GABPB2: variants seen among roughly 807,000 people sequenced by gnomAD.
The protein encoded by GABPB2 is GA-binding protein subunit beta-2.
In GABPB2, 23 loss-of-function variants were observed where a neutral mutation model predicts 39.1. The observed-to-expected ratio is 0.59, with a 90% CI of 0.42 to 0.83. The LOEUF is 0.83. Among genes scored for constraint, GABPB2 ranks in the 40% least tolerant of loss-of-function variants. GABPB2 has a pLI of 0.00. For missense variants in GABPB2, 467 were observed against 541.1 expected, an observed-to-expected ratio of 0.86 and a Z score of 1.36; for synonymous variants, 184 against 199.3, an observed-to-expected ratio of 0.92 and a Z score of 0.65.
chr1:151,099,129 C>G (rs935062204), intron 5 of GABPB2, among the ~76,000 whole-genome samples: 4 of 150,448 alleles, frequency 2.7e-5, no homozygotes. Context: ...ATGTTTTCAA[C>G]AAAACCTTCT....
intron 6 of GABPB2, among the ~76,000 whole-genome samples, chr1:151,104,517 C>T (rs1679780093): frequency 6.6e-6 from 1 of 152,170 alleles, no homozygotes; most frequent in Non-Finnish European, 1.5e-5. Flanking sequence ...GTGTATTAAA[C>T]TTGTCCTTGC....
Position 151,071,469 on chromosome 1 carries a change from T to TTTTTTC in GABPB2, c.-1+535_-1+536insTTTTTC, listed in dbSNP as rs1553259144. Among the ~76,000 whole-genome samples, 249 of 147,106 alleles carry TTTTTTC rather than the reference T, an allele frequency of 1.7e-3. 9 individuals are homozygous for TTTTTTC. Among genetic ancestry groups the TTTTTTC allele is most frequent in the Middle Eastern group, 0.014 (4 of 282 alleles). On this transcript the variant is annotated intron_variant, in intron 1 of 8. Coordinates refer to ENST00000368918, the MANE Select transcript of GABPB2 (RefSeq NM_144618.3). ...TTTTTTGCTCTTTTTTTTTTTTTTT[T>TTTTTTC]CAAAACTGAGTCTTGCTCTGTCACC...
At chr1:151,096,517 A>G (rs145109704) in intron 4 of GABPB2, among the ~76,000 whole-genome samples, 2 of 152,190 alleles carry the variant, frequency 1.3e-5, no homozygotes, top group East Asian at 3.9e-4. Flanking sequence ...TGGTCTATAT[A>G]CTGGTTAGTC....
intron 1 of GABPB2, among the ~76,000 whole-genome samples, chr1:151,077,611 A>C (rs115968379): frequency 0.091 from 13,675 of 151,064 alleles, 785 homozygotes; most frequent in African/African-American, 0.16. Context: ...GCGCCCGGCC[A>C]CTCATAGGTA....
At chr1:151,112,630 C>T (rs999690190) in intron 7 of GABPB2, 6 of 165,924 alleles carry the variant, frequency 3.6e-5, no homozygotes, top group East Asian at 1.5e-4. Flanking sequence ...TGTGAGCCAC[C>T]GCACCTGGCC....
chr1:151,118,540 AT>A lies in GABPB2; in HGVS notation c.*296del, dbSNP rs757004156. ...AAAGAATACTGCATGTTGTGGGTTG[AT>A]TTTTTTTTTTTAAATAACTGACTTT... On this transcript the variant is annotated 3_prime_UTR_variant, in exon 9 of 9. Coordinates refer to ENST00000368918, the MANE Select transcript of GABPB2 (RefSeq NM_144618.3). 0.043 allele frequency: 10,698 copies of A among 248,742 alleles called. 3 individuals are homozygous for A. The highest frequency in any genetic ancestry group is 0.069 in the Middle Eastern group (55 of 792). 15.4% of individuals were successfully genotyped at this position (248,742 alleles called of 1,614,324 possible).
chr1:151,081,437 C>T (rs1445982508), intron 1 of GABPB2, among the ~76,000 whole-genome samples: 7 of 151,922 alleles, frequency 4.6e-5, no homozygotes, highest in South Asian at 2.1e-4. Context: ...TGCAGTGAAC[C>T]GAGATTGTGT....
In GABPB2 at chr1:151,117,400, G is replaced by C. The variant is rs1446051475; in HGVS notation, c.931G>C (p.Val311Leu). Residue 311 changes from valine to leucine, a missense_variant, in exon 8 of 9, where the codon GTA (valine) becomes CTA (leucine). By Grantham distance (32) the Val-to-Leu change is conservative. Transcript: ENST00000368918. The part of the protein sequence containing the change: ...TVQDGQQVLT[V>L]PAGKVAEETV... The stretch of plus-strand genomic sequence containing the variant: ...TGTCCTTTGACTTGTAGTTCTAACT[G>C]TACCTGCTGGTAAGGTTGCAGAGGA... The C allele has an allele frequency of 1.6e-5, 26 of 1,613,608 alleles. 1 individual carries two copies.
chr1:151,106,364 G>A (rs1679966433), intron 6 of GABPB2, among the ~76,000 whole-genome samples: 2 of 151,244 alleles, frequency 1.3e-5, no homozygotes, highest in South Asian at 4.2e-4. Context: ...TTGAGACAGA[G>A]TCTCGCTCTG....
chr1:151,104,813 T>TCTTTCTTTCTTTCTTTCTTC (rs760165783), intron 6 of GABPB2, among the ~76,000 whole-genome samples: 1 of 41,254 alleles, frequency 2.4e-5, no homozygotes, highest in African/African-American at 5.2e-5. Context: ...TTTCTTTCTT[T>TCTTTCTTTCTTTCTTTCTTC]CCTTTCTTTC....
Position 151,107,242 on chromosome 1 carries a change from C to A in GABPB2, c.922+20C>A. On this transcript the variant is annotated intron_variant, in intron 7 of 8. Transcript: ENST00000368918. Reference sequence around the variant, plus strand: ...AGCAAGGTGAGTTATCTCTTGTAGACAATTGTTTATTAAAAGATATTTTAG... The same window carrying A: ...AGCAAGGTGAGTTATCTCTTGTAGAAAATTGTTTATTAAAAGATATTTTAG... 1 of 1,469,172 alleles carries A rather than the reference C, an allele frequency of 6.8e-7. No individual in the cohort carries two copies. The highest frequency in any genetic ancestry group is 1.8e-4 in the Middle Eastern group (1 of 5,472). 91.0% of individuals were successfully genotyped at this position (1,469,172 alleles called of 1,614,324 possible).
At chr1:151,083,565 A>G (rs10888403) in intron 1 of GABPB2, among the ~76,000 whole-genome samples, 141,002 of 151,928 alleles carry the variant, frequency 0.93, 65,478 homozygotes, top group East Asian at 0.97. Flanking sequence ...CCCAGGCAGC[A>G]GAGGTTGGCA....
rs587743992 is a variant in GABPB2 at position 151,107,107 on chromosome 1, C to G, written c.807C>G (p.Gly269=). The change falls in exon 7 of 9, where the codon GGC becomes GGG. Residue 269 remains glycine (G), a synonymous_variant. Transcript: ENST00000368918. The part of the protein sequence containing the change: ...SSIQQVMGSG[G]QRVITIVTDG... ...TCCAGCAAGTAATGGGGAGTGGAGG[C>G]CAGAGGGTCATCACCATAGTGACTG... 1.1e-5 allele frequency: 18 copies of G among 1,613,108 alleles called. No individual in the cohort carries two copies. The South Asian group carries it at 2.0e-4, about 18-fold the overall frequency.
intron 1 of GABPB2, among the ~76,000 whole-genome samples, chr1:151,084,771 T>G (rs1678032973): frequency 6.6e-6 from 1 of 150,774 alleles, no homozygotes; most frequent in African/African-American, 2.4e-5. Context: ...CCTGACCTTG[T>G]GATCCGCCCG....
At chr1:151,109,932 G>A (rs758475306) in intron 7 of GABPB2, among the ~76,000 whole-genome samples, 6 of 149,670 alleles carry the variant, frequency 4.0e-5, no homozygotes, top group Admixed American at 6.7e-5. Flanking sequence ...TCCGCCTTCC[G>A]GGTTCAAGTG....
rs587670640 is a variant in GABPB2, at chr1:151,098,549, G to A, written c.622+547G>A. ...TATTGTACAGATTAATCTATTGAAG[G>A]GTTATGCCTAGACCAAAAATGAAAA... On this transcript the variant is annotated intron_variant, in intron 5 of 8. Coordinates refer to ENST00000368918, the MANE Select transcript of GABPB2 (RefSeq NM_144618.3). Among the ~76,000 whole-genome samples the A allele has an allele frequency of 3.4e-4, 52 of 151,638 alleles. No individual in the cohort carries two copies. The South Asian group carries it at 6.7e-3, about 20-fold the overall frequency.
intron 1 of GABPB2, among the ~76,000 whole-genome samples, chr1:151,071,895 T>A (rs1676758184): frequency 6.6e-6 from 1 of 152,254 alleles, no homozygotes; most frequent in Admixed American, 6.5e-5. Context: ...TGTTTTCACA[T>A]ACTTCCTTGA....
At chr1:151,088,994 A>T (rs1223583846) in intron 2 of GABPB2, among the ~76,000 whole-genome samples, 1 of 152,178 alleles carries the variant, frequency 6.6e-6, no homozygotes, top group Non-Finnish European at 1.5e-5. Context: ...GTTTCAAAAA[A>T]AAAAAAAGAA....
intron 1 of GABPB2, among the ~76,000 whole-genome samples, chr1:151,080,232 A>ATC (rs1474872516): frequency 8.4e-6 from 1 of 118,944 alleles, no homozygotes; most frequent in Admixed American, 9.6e-5. Flanking sequence ...AAAAAAAAAA[A>ATC]AAAAAAAAAA....
Sources: allele counts gnomAD v4.1 joint callset (sites outside exome capture counted in the v4.1 genomes callset), GRCh38; gene constraint gnomAD v4.1.1; transcripts MANE v1.5; gene names NCBI Gene and HGNC (gene_info 2026-07-23, HGNC 2026-07-21).